Variants in STAU2 observed in about 807,000 individuals in gnomAD.
STAU2 encodes staufen double-stranded RNA binding protein 2, also known as double-stranded RNA-binding protein Staufen homolog 2.
In STAU2, 20 loss-of-function variants were observed where a neutral mutation model predicts 65.9. The ratio of observed to expected loss-of-function variants is 0.30; its 90% confidence interval spans 0.21 to 0.44. The LOEUF (loss-of-function observed/expected upper bound fraction) is 0.44. STAU2 is among the 20% of genes least tolerant of loss of function. The pLI, the probability that STAU2 is intolerant of heterozygous loss-of-function variation, is 1.00. For missense variants in STAU2, 558 were observed against 683.9 expected, an observed-to-expected ratio of 0.82 and a Z score of 2.05; for synonymous variants, 232 against 233.9, an observed-to-expected ratio of 0.99 and a Z score of 0.07.
chr8:73,744,287 A>C (rs180940956), intron 1 of STAU2, among the ~76,000 whole-genome samples: 1 of 152,094 alleles, frequency 6.6e-6, no homozygotes, highest in African/African-American at 2.4e-5. Context: ...TTGTGTACCT[A>C]TAAGAGGCAC....
intron 3 of STAU2, among the ~76,000 whole-genome samples, chr8:73,726,062 T>C (rs1456603813): frequency 1.3e-5 from 2 of 152,112 alleles, no homozygotes; most frequent in Non-Finnish European, 2.9e-5. Context: ...TACCATCATC[T>C]ACAGGTTTAT....
At position 73,739,782 on chromosome 8, in the gene STAU2, T is replaced by C; in HGVS notation, c.-110A>G. Reference sequence around the variant, plus strand: ...TTCTGAGCCTTGGTTCAAATTACTTTGTGTATCTTTGAGTTCTTCTTTTTC... The same window carrying C: ...TTCTGAGCCTTGGTTCAAATTACTTCGTGTATCTTTGAGTTCTTCTTTTTC... On this transcript the variant is annotated 5_prime_UTR_variant, in exon 2 of 15. Transcript: ENST00000524300. 6.6e-7 allele frequency: 1 copy of C among 1,522,016 alleles called. No individual in the cohort carries two copies. The highest frequency in any genetic ancestry group is 8.7e-7 in the Non-Finnish European group (1 of 1,143,426). 94.3% of individuals were successfully genotyped at this position (1,522,016 alleles called of 1,614,324 possible).
At chr8:73,723,937 A>G (rs1331631489) in intron 3 of STAU2, among the ~76,000 whole-genome samples, 2 of 152,218 alleles carry the variant, frequency 1.3e-5, no homozygotes, top group African/African-American at 4.8e-5. Flanking sequence ...ACTCCTATAA[A>G]TCTTTTTGGA....
rs115038065 is a variant in STAU2, at chr8:73,693,796, A to T, written c.115-4983T>A. Among the ~76,000 whole-genome samples, 1,232 of 152,354 alleles carry T rather than the reference A, an allele frequency of 8.1e-3. 24 individuals are homozygous for T. Among genetic ancestry groups the T allele is most frequent in the African/African-American group, 0.028 (1,149 of 41,588 alleles). ...TATGTACAACACTGGGAAGTTAATT[A>T]TTCTTTCTAACTCTCAGCTTCTTAC... is the stretch of plus-strand genomic sequence containing the variant. On this transcript the variant is annotated intron_variant, in intron 4 of 14. Coordinates refer to ENST00000524300, the MANE Select transcript of STAU2 (RefSeq NM_001164380.2).
intron 13 of STAU2, among the ~76,000 whole-genome samples, chr8:73,547,239 A>G (rs1314266894): frequency 6.6e-6 from 1 of 152,204 alleles, no homozygotes; most frequent in Non-Finnish European, 1.5e-5. Flanking sequence ...AACATAGTTT[A>G]CGCAGTAATA....
intron 4 of STAU2, among the ~76,000 whole-genome samples, chr8:73,700,925 C>T (rs1046614379): frequency 6.6e-6 from 1 of 151,990 alleles, no homozygotes; most frequent in Non-Finnish European, 1.5e-5. Flanking sequence ...AAAATAAACA[C>T]ACAGACCAAT....
intron 9 of STAU2, 149 bp from the exon 10 acceptor site, chr8:73,604,012 GA>G (rs1275879449): frequency 1.1e-6 from 1 of 945,988 alleles, no homozygotes; most frequent in Non-Finnish European, 1.5e-6. Flanking sequence ...ATTTATAAAG[GA>G]AAATCATAAA....
intron 13 of STAU2, among the ~76,000 whole-genome samples, chr8:73,471,817 TAAAA>T (rs569600617): frequency 4.6e-5 from 4 of 86,808 alleles, no homozygotes; most frequent in East Asian, 3.4e-4. Context: ...AGACTCCAAC[TAAAA>T]AAAAAAAAAA....
intron 6 of STAU2, among the ~76,000 whole-genome samples, chr8:73,623,708 G>A (rs1428919958): frequency 6.6e-6 from 1 of 152,138 alleles, no homozygotes. Flanking sequence ...TTTTGGCACT[G>A]CTAAGCATTC....
intron 13 of STAU2, among the ~76,000 whole-genome samples, chr8:73,513,383 ACCCTAAGCT>A (rs1310621774): frequency 1.3e-5 from 2 of 152,060 alleles, no homozygotes; most frequent in African/African-American, 4.8e-5. Flanking sequence ...ATGCTCAAAT[ACCCTAAGCT>A]AGTAAAGCTT....
chr8:73,458,211 G>T (rs1819168717), intron 13 of STAU2, among the ~76,000 whole-genome samples: 1 of 152,118 alleles, frequency 6.6e-6, no homozygotes, highest in African/African-American at 2.4e-5. Context: ...ATTGGTCCTA[G>T]GATTGACTTG....
At chr8:73,482,700 A>G (rs1287326668) in intron 13 of STAU2, among the ~76,000 whole-genome samples, 1 of 152,178 alleles carries the variant, frequency 6.6e-6, no homozygotes, top group African/African-American at 2.4e-5. Flanking sequence ...TCATGGTCAG[A>G]GAAATTAAGA....
intron 13 of STAU2, among the ~76,000 whole-genome samples, chr8:73,540,414 AC>A (rs34727193): frequency 6.6e-6 from 1 of 152,130 alleles, no homozygotes; most frequent in Non-Finnish European, 1.5e-5. Context: ...GAAGGAACCA[AC>A]CCTGCTGACA....
chr8:73,600,988 T>C (rs1188589004), intron 10 of STAU2, among the ~76,000 whole-genome samples: 1 of 152,226 alleles, frequency 6.6e-6, no homozygotes, highest in Non-Finnish European at 1.5e-5. Flanking sequence ...ATTATAAAAG[T>C]TAAGTAAGTT....
intron 12 of STAU2, among the ~76,000 whole-genome samples, chr8:73,573,516 CA>C (rs1809271245): frequency 6.6e-6 from 1 of 152,198 alleles, no homozygotes; most frequent in African/African-American, 2.4e-5. Context: ...TACCGAGCTA[CA>C]GTAACCAAAA....
intron 3 of STAU2, among the ~76,000 whole-genome samples, chr8:73,710,910 AAT>A (rs1820845182): frequency 6.6e-6 from 1 of 151,980 alleles, no homozygotes; most frequent in African/African-American, 2.4e-5. Flanking sequence ...GCCAAAGTTT[AAT>A]ATTAAAAATA....
intron 13 of STAU2, chr8:73,440,028 G>C (rs920422942): frequency 1.3e-5 from 2 of 152,274 alleles, no homozygotes; most frequent in Admixed American, 1.3e-4. Flanking sequence ...CAGGACCTGA[G>C]AGGGTGTTAA....
chr8:73,653,229 C>T (rs1056605522), intron 6 of STAU2: 3 of 152,086 alleles, frequency 2.0e-5, no homozygotes, highest in African/African-American at 7.2e-5. Flanking sequence ...AAGGACAAAC[C>T]ATGTACATAT....
At chr8:73,505,138 G>A (rs1259061838) in intron 13 of STAU2, among the ~76,000 whole-genome samples, 2 of 152,046 alleles carry the variant, frequency 1.3e-5, no homozygotes, top group East Asian at 1.9e-4. Flanking sequence ...CTAAGTCATC[G>A]TTCTCCAAAA....
Sources: allele counts gnomAD v4.1 joint callset (sites outside exome capture counted in the v4.1 genomes callset), GRCh38; gene constraint gnomAD v4.1.1; transcripts MANE v1.5; gene names NCBI Gene and HGNC (gene_info 2026-07-23, HGNC 2026-07-21).